The following MECR variants were observed in gnomAD, a reference collection of about 807,000 sequenced individuals.
MECR encodes mitochondrial trans-2-enoyl-CoA reductase, also known as enoyl-[acyl-carrier-protein] reductase, mitochondrial.
MECR carries 37 observed loss-of-function variants against 49.1 expected under a neutral mutation model. The ratio of observed to expected loss-of-function variants is 0.75; its 90% confidence interval spans 0.58 to 0.99. The LOEUF is 0.99. Ranked by LOEUF, MECR falls within the 50% of genes least tolerant of loss-of-function variation. The pLI, the probability that MECR is intolerant of heterozygous loss-of-function variation, is 0.00. For missense variants in MECR, 470 were observed against 479.6 expected, an observed-to-expected ratio of 0.98 and a Z score of 0.19; for synonymous variants, 198 against 191.1, an observed-to-expected ratio of 1.04 and a Z score of -0.30.
At chr1:29,185,354 T>C in the MECR span, among the ~76,000 whole-genome samples, 1 of 152,126 alleles carries the variant, frequency 6.6e-6, no homozygotes. Flanking sequence ...GTTCACACGG[T>C]TCTCCTGCCT....
chr1:29,197,214 G>A (rs1674221024), intron 7 of MECR, among the ~76,000 whole-genome samples: 1 of 152,214 alleles, frequency 6.6e-6, no homozygotes, highest in South Asian at 2.1e-4. Context: ...ATGAGCTCGA[G>A]GCCTGAGTTC....
chr1:29,200,730 G>T, intron 6 of MECR, 141 bp from the exon 7 acceptor site: 1 of 653,564 alleles, frequency 1.5e-6, no homozygotes, highest in Admixed American at 2.4e-5. Context: ...ATGTATATGT[G>T]TGTGTGTTTA....
chr1:29,184,506 C>G, the MECR span, among the ~76,000 whole-genome samples: 1 of 152,100 alleles, frequency 6.6e-6, no homozygotes, highest in Non-Finnish European at 1.5e-5. Flanking sequence ...GTAATCCCAG[C>G]GCTTTGGGAG....
intron 1 of MECR, 105 bp downstream of exon 1, chr1:29,230,626 C>T: frequency 1.4e-6 from 2 of 1,415,604 alleles, no homozygotes; most frequent in Non-Finnish European, 1.9e-6. Context: ...TTGCTATTCT[C>T]TGCCCCCTTC....
chr1:29,216,024 A>C lies in MECR; in HGVS notation c.387T>G (p.Ile129Met). Reference protein sequence around the residue: ...VTGLKPGDWVIPANAGLGTWR... With the variant: ...VTGLKPGDWVMPANAGLGTWR... ...ACTCACCTAAACCAGCATTTGCTGGAATCACCCAGTCTCCTGGCTTCAGCC... is the reference window on the plus strand; with the variant it reads ...ACTCACCTAAACCAGCATTTGCTGGCATCACCCAGTCTCCTGGCTTCAGCC... The change falls in exon 3 of 10, where the codon ATT (isoleucine) becomes ATG (methionine). Residue 129 changes from isoleucine to methionine, a missense_variant. Coordinates refer to ENST00000263702, the MANE Select transcript of MECR (RefSeq NM_016011.5). 1.2e-6 allele frequency: 2 copies of C among 1,614,148 alleles called. No homozygotes were observed. The highest frequency in any genetic ancestry group is 1.7e-6 in the Non-Finnish European group (2 of 1,179,990).
chr1:29,216,360 G>A (rs545741412), intron 2 of MECR, among the ~76,000 whole-genome samples: 3 of 152,106 alleles, frequency 2.0e-5, no homozygotes, highest in African/African-American at 4.8e-5. Flanking sequence ...CCAGCATGTC[G>A]CAGGCACTTC....
Position 29,195,872 on chromosome 1 carries a change from G to A in MECR, c.964+69C>T, listed in dbSNP as rs2291611. ...CACCCCTCCAGGGCTCAGAATAGCTGGTCATTTCTGCTGCCATTTTTAGGC... is the reference window on the plus strand; with the variant it reads ...CACCCCTCCAGGGCTCAGAATAGCTAGTCATTTCTGCTGCCATTTTTAGGC... On this transcript the variant is annotated intron_variant, in intron 9 of 9. Coordinates refer to ENST00000263702, the MANE Select transcript of MECR (RefSeq NM_016011.5). The A allele has an allele frequency of 0.11, 161,968 of 1,502,298 alleles. 12,647 individuals are homozygous for A. Among genetic ancestry groups the A allele is most frequent in the East Asian group, 0.42 (18,507 of 44,256 alleles). The allele number at this position is 1,502,298 out of a possible 1,614,324, so 93.1% of individuals were successfully genotyped here. A position where few individuals can be genotyped will look rare whatever the true frequency, so the allele number is the denominator to read the frequency against.
At chr1:29,171,063 T>G in the MECR span, 1 of 152,302 alleles carries the variant, frequency 6.6e-6, no homozygotes, top group African/African-American at 2.4e-5. Context: ...TTCAGGGTAC[T>G]ATAAGACCAG....
Position 29,195,923 on chromosome 1 carries a change from A to C in MECR, c.964+18T>G. The C allele has an allele frequency of 6.2e-7, 1 of 1,613,910 alleles. No individual in the cohort carries two copies. The highest frequency in any genetic ancestry group is 8.5e-7 in the Non-Finnish European group (1 of 1,179,770). On this transcript the variant is annotated intron_variant, in intron 9 of 9. Transcript: ENST00000263702. ...ACTGCCCTCATCTGTGACTCTTGGCACTGGGCCATGCACTCACCTGGACTG... is the reference window on the plus strand; with the variant it reads ...ACTGCCCTCATCTGTGACTCTTGGCCCTGGGCCATGCACTCACCTGGACTG...
Position 29,216,060 on chromosome 1 carries a change from G to T in MECR, c.351C>A (p.Ser117Arg), listed in dbSNP as rs1023543022. The T allele has an allele frequency of 1.2e-6, 2 of 1,613,982 alleles. No individual in the cohort carries two copies. Among genetic ancestry groups the T allele is most frequent in the African/African-American group, 1.3e-5 (1 of 74,924 alleles). ...CTCCTGGCTTCAGCCCGGTCACATT[G>T]CTGCCCACCGCTACCACCTGTGCAA... ...EGVAQVVAVG[S>R]NVTGLKPGDW... The change falls in exon 3 of 10, where the codon AGC becomes AGA. Residue 117 changes from serine to arginine, a missense_variant. Coordinates refer to ENST00000263702, the MANE Select transcript of MECR (RefSeq NM_016011.5).
chr1:29,202,865 A>C (rs545193305), intron 5 of MECR, among the ~76,000 whole-genome samples: 1 of 152,194 alleles, frequency 6.6e-6, no homozygotes, highest in Non-Finnish European at 1.5e-5. Context: ...GAGTCTCAGA[A>C]AGTCTTAGCT....
At chr1:29,214,100 C>T (rs1212833565) in intron 3 of MECR, among the ~76,000 whole-genome samples, 2 of 143,828 alleles carry the variant, frequency 1.4e-5, no homozygotes, top group Admixed American at 7.2e-5. Flanking sequence ...CTTACTCTGT[C>T]GCCCAGGTTG....
At chr1:29,220,228 T>TA (rs63347560) in intron 1 of MECR, among the ~76,000 whole-genome samples, 114,946 of 140,218 alleles carry the variant, frequency 0.82, 47,359 homozygotes, top group Non-Finnish European at 0.88. Flanking sequence ...CCGTCTCTAC[T>TA]AAAAAAAAAA....
At chr1:29,171,636 G>A in the MECR span, 1 of 151,958 alleles carries the variant, frequency 6.6e-6, no homozygotes, top group Non-Finnish European at 1.5e-5. Flanking sequence ...TTACAAATTT[G>A]TAAGTATCAC....
the MECR span, chr1:29,171,181 TGAG>T: frequency 6.6e-6 from 1 of 151,922 alleles, no homozygotes; most frequent in East Asian, 1.9e-4. Context: ...AAGAGTAGCC[TGAG>T]GAGGAGAATC....
rs1679490803 is a variant in MECR at position 29,216,690 on chromosome 1, G to A, written c.177-5C>T. On this transcript the variant is annotated splice_region_variant and splice_polypyrimidine_tract_variant and intron_variant, in intron 1 of 9. Coordinates refer to ENST00000263702, the MANE Select transcript of MECR (RefSeq NM_016011.5). Reference sequence around the variant, plus strand: ...GCTAGCTCCAGGTTCTTGAGTCTAAGCACAAAGCCAAACGGAGATGTTCAT... The same window carrying A: ...GCTAGCTCCAGGTTCTTGAGTCTAAACACAAAGCCAAACGGAGATGTTCAT... 2 of 1,614,196 alleles carry A rather than the reference G, an allele frequency of 1.2e-6. No homozygotes were observed. The highest frequency in any genetic ancestry group is 3.3e-4 in the Middle Eastern group (2 of 6,062).
intron 7 of MECR, among the ~76,000 whole-genome samples, chr1:29,197,923 G>T (rs1674388241): frequency 6.6e-6 from 1 of 152,228 alleles, no homozygotes; most frequent in South Asian, 2.1e-4. Flanking sequence ...ACAGCAATTT[G>T]TATATCGCCC....
the MECR span, among the ~76,000 whole-genome samples, chr1:29,181,019 G>A: frequency 2.0e-5 from 3 of 152,220 alleles, no homozygotes; most frequent in Admixed American, 6.5e-5. Context: ...AAGATAAGAA[G>A]TTAAGACTTT....
chr1:29,181,764 C>T, the MECR span: 1 of 1,568,532 alleles, frequency 6.4e-7, no homozygotes, highest in Non-Finnish European at 8.6e-7. Flanking sequence ...CCGGCAACGG[C>T]AGTGATGGCT....
Sources: gnomAD v4.1 joint callset for allele counts (sites outside exome capture counted in the v4.1 genomes callset) on GRCh38, gnomAD v4.1.1 for gene constraint, MANE v1.5 for transcripts, NCBI Gene and HGNC (gene_info 2026-07-23, HGNC 2026-07-21) for gene names.